Variants in CBR4 observed in about 807,000 individuals in gnomAD.
CBR4 encodes the protein carbonyl reductase 4.
Under a neutral mutation model 21.0 loss-of-function variants are expected in CBR4, and 22 were observed. That is an observed-to-expected ratio of 1.05 (90% CI 0.75 to 1.50). The LOEUF (loss-of-function observed/expected upper bound fraction) is 1.50, where lower values mean the gene tolerates loss of function less well. Ranked by LOEUF, CBR4 falls within the 40% of genes most tolerant of loss-of-function variation. The pLI is 0.00. For missense variants in CBR4, 302 were observed against 286.3 expected, an observed-to-expected ratio of 1.05 and a Z score of -0.40; for synonymous variants, 100 against 104.4, an observed-to-expected ratio of 0.96 and a Z score of 0.26.
At chr4:168,997,161 A>G (rs1199320208) in intron 4 of CBR4, among the ~76,000 whole-genome samples, 1 of 152,188 alleles carries the variant, frequency 6.6e-6, no homozygotes, top group African/African-American at 2.4e-5. Flanking sequence ...TTTACAGACT[A>G]CCAGTAGATG....
chr4:168,998,931 GAA>G (rs935316549), intron 4 of CBR4, among the ~76,000 whole-genome samples: 7 of 152,100 alleles, frequency 4.6e-5, no homozygotes, highest in African/African-American at 1.7e-4. Context: ...GTCCAGAGGA[GAA>G]AAGACTCTTT....
chr4:168,919,401 T>C (rs1760951708), intron 2 of CBR4, among the ~76,000 whole-genome samples: 1 of 152,002 alleles, frequency 6.6e-6, no homozygotes, highest in South Asian at 2.1e-4. Context: ...GGCAGGCGCC[T>C]GTAATCCCAG....
At chr4:169,005,409 G>A (rs1233330167) in intron 3 of CBR4, 1 of 155,976 alleles carries the variant, frequency 6.4e-6, no homozygotes, top group Non-Finnish European at 1.4e-5. Context: ...TGTTCATCAG[G>A]TCAAAAAGTG....
At chr4:168,911,018 T>G (rs1447661910) in intron 2 of CBR4, among the ~76,000 whole-genome samples, 1 of 152,172 alleles carries the variant, frequency 6.6e-6, no homozygotes, top group Non-Finnish European at 1.5e-5. Context: ...GATAACACAG[T>G]ACCAGCTATG....
intron 2 of CBR4, among the ~76,000 whole-genome samples, chr4:168,966,713 G>C (rs1036994974): frequency 6.6e-6 from 1 of 151,802 alleles, no homozygotes; most frequent in Non-Finnish European, 1.5e-5. Context: ...TATACCCAAA[G>C]GATTATAAAT....
At chr4:169,009,047 G>A (rs1731160403) in intron 1 of CBR4, 1 of 424,290 alleles carries the variant, frequency 2.4e-6, no homozygotes, top group African/African-American at 2.3e-5. Context: ...GCAACATAAT[G>A]GGAAGCCCTC....
intron 2 of CBR4, among the ~76,000 whole-genome samples, chr4:168,974,980 C>A (rs1244727888): frequency 6.6e-6 from 1 of 152,142 alleles, no homozygotes; most frequent in Non-Finnish European, 1.5e-5. Context: ...ATTAAAGAAT[C>A]TTGTTTTGTC....
intron 2 of CBR4, among the ~76,000 whole-genome samples, chr4:168,918,325 G>GATAGAT (rs1553981957): frequency 3.9e-4 from 58 of 149,460 alleles, no homozygotes; most frequent in Admixed American, 2.3e-3. Context: ...GAAAATATGA[G>GATAGAT]ATATATATAT....
intron 2 of CBR4, chr4:168,898,481 T>A (rs1429082856): frequency 6.3e-7 from 1 of 1,586,624 alleles, no homozygotes; most frequent in Non-Finnish European, 8.7e-7. Flanking sequence ...ACTTAAACTT[T>A]CCTTGATTCA....
intron 2 of CBR4, among the ~76,000 whole-genome samples, chr4:168,963,928 T>C (rs1043786000): frequency 2.0e-5 from 3 of 152,082 alleles, no homozygotes; most frequent in Non-Finnish European, 4.4e-5. Flanking sequence ...TTTTTTAATG[T>C]CATGCCCAAG....
intron 2 of CBR4, among the ~76,000 whole-genome samples, chr4:168,947,671 A>T (rs755601272): frequency 6.6e-6 from 1 of 152,168 alleles, no homozygotes; most frequent in East Asian, 1.9e-4. Flanking sequence ...TTCATTTAGT[A>T]TAACAGTCTC....
rs751679371 is a variant in CBR4 at position 169,006,806 on chromosome 4, C to G, written c.349G>C (p.Ala117Pro). ...NLLGSMLTCK[A>P]AMRTMIQQQG... Reference sequence around the variant, plus strand: ...TGTTGAATCATAGTCCTCATGGCAGCTTTACAGGTCAGCATGGAACCCAAG... The same window carrying G: ...TGTTGAATCATAGTCCTCATGGCAGGTTTACAGGTCAGCATGGAACCCAAG... Residue 117 changes from alanine to proline, a missense_variant, in exon 3 of 5, where the codon GCT becomes CCT. Physicochemically the swap from Ala to Pro is conservative, Grantham distance 27. Transcript: ENST00000306193. The G allele has an allele frequency of 1.2e-6, 2 of 1,613,774 alleles. No individual in the cohort carries two copies. The highest frequency in any genetic ancestry group is 1.7e-6 in the Non-Finnish European group (2 of 1,179,790).
chr4:168,971,191 T>C lies in CBR4; in HGVS notation n.169+30880A>G, dbSNP rs111890330. Among the ~76,000 whole-genome samples the C allele has an allele frequency of 5.2e-3, 797 of 152,324 alleles. 3 individuals are homozygous for C. Among genetic ancestry groups the C allele is most frequent in the Non-Finnish European group, 8.2e-3 (561 of 68,028 alleles). On this transcript the variant is annotated intron_variant and non_coding_transcript_variant, in intron 2 of 3. Coordinates refer to the CBR4 transcript ENST00000509108. ...TTGTAGGAATAAGGTGGTATCACAT[T>C]GTGGTTTCGATTTGCATTTCCCTGA...
intron 2 of CBR4, among the ~76,000 whole-genome samples, chr4:168,965,775 T>C (rs1278969488): frequency 6.6e-6 from 1 of 152,142 alleles, no homozygotes; most frequent in Non-Finnish European, 1.5e-5. Context: ...GACTTGAATA[T>C]AAAACCTAAC....
chr4:168,962,994 C>G (rs1435590631), intron 2 of CBR4, among the ~76,000 whole-genome samples: 10 of 152,214 alleles, frequency 6.6e-5, no homozygotes, highest in Middle Eastern at 3.4e-3. Flanking sequence ...TATACTTTAA[C>G]AAGTATACTC....
intron 2 of CBR4, among the ~76,000 whole-genome samples, chr4:168,980,234 G>A (rs1278108216): frequency 1.3e-5 from 2 of 151,732 alleles, no homozygotes; most frequent in Non-Finnish European, 2.9e-5. Flanking sequence ...AGTGGGAGAG[G>A]AGCCCACACC....
At chr4:169,006,411 CTG>C (rs547984455) in intron 3 of CBR4, among the ~76,000 whole-genome samples, 153 of 152,214 alleles carry the variant, frequency 1.0e-3, no homozygotes, top group African/African-American at 3.4e-3. Flanking sequence ...GCTGGCAAAA[CTG>C]GGACCACATT....
intron 2 of CBR4, among the ~76,000 whole-genome samples, chr4:168,901,612 C>T (rs939323132): frequency 1.3e-5 from 2 of 152,158 alleles, no homozygotes; most frequent in Non-Finnish European, 2.9e-5. Context: ...AATCCCAGCA[C>T]TTTGGGAGGC....
intron 2 of CBR4, among the ~76,000 whole-genome samples, chr4:168,922,678 A>G (rs1761813373): frequency 6.6e-6 from 1 of 152,256 alleles, no homozygotes. Flanking sequence ...TGTGGTAAAT[A>G]TGTGGACTGT....
Sources: allele counts gnomAD v4.1 joint callset (sites outside exome capture counted in the v4.1 genomes callset), GRCh38; gene constraint gnomAD v4.1.1; transcripts MANE v1.5; gene names NCBI Gene and HGNC (gene_info 2026-07-23, HGNC 2026-07-21).